KCNK1: variants seen among roughly 807,000 people sequenced by gnomAD.
KCNK1 encodes the protein potassium channel subfamily K member 1.
Under a neutral mutation model 22.2 loss-of-function variants are expected in KCNK1, and 10 were observed. The ratio of observed to expected loss-of-function variants is 0.45; its 90% CI spans 0.28 to 0.76. The LOEUF is 0.76. Among genes scored for constraint, KCNK1 ranks in the 30% least tolerant of loss-of-function variants. The probability of loss-of-function intolerance (pLI) is 0.14; values close to 1 mark genes in which losing one functional copy is unlikely to be tolerated. For missense variants in KCNK1, 378 were observed against 421.0 expected (o/e 0.90, Z 0.89); for synonymous variants, 200 against 186.4 (o/e 1.07, Z -0.60).
chr1:233,614,459 C>G lies in KCNK1; in HGVS notation c.288C>G (p.Ala96=). 6.2e-7 allele frequency: 1 copy of G among 1,613,324 alleles called. No individual in the cohort carries two copies. The highest frequency in any genetic ancestry group is 1.7e-4 in the Middle Eastern group (1 of 6,058). The part of the protein sequence containing the change: ...SNYGVSVLSN[A]SGNWNWDFTS... Reference sequence around the variant, plus strand: ...ACGGCGTGTCGGTGCTCAGCAACGCCTCGGGCAACTGGAACTGGGACTTCA... The same window carrying G: ...ACGGCGTGTCGGTGCTCAGCAACGCGTCGGGCAACTGGAACTGGGACTTCA... Residue 96 remains alanine (A), a synonymous_variant, in exon 1 of 3, where the codon GCC becomes GCG. Coordinates refer to ENST00000366621, the MANE Select transcript of KCNK1 (RefSeq NM_002245.4).
chr1:233,614,579 A>G, intron 1 of KCNK1, 53 bp downstream of exon 1: 10 of 1,411,440 alleles, frequency 7.1e-6, no homozygotes, highest in Non-Finnish European at 9.6e-6. Flanking sequence ...CCCACAACCC[A>G]CACACCCCGG....
At chr1:233,646,053 GA>G (rs1388902919) in intron 1 of KCNK1, among the ~76,000 whole-genome samples, 5 of 152,210 alleles carry the variant, frequency 3.3e-5, no homozygotes, top group Non-Finnish European at 5.9e-5. Context: ...TGATGGTGGG[GA>G]TGGAGGTTGC....
At chr1:233,614,750 G>A (rs1217063724) in intron 1 of KCNK1, among the ~76,000 whole-genome samples, 1 of 152,148 alleles carries the variant, frequency 6.6e-6, no homozygotes, top group Non-Finnish European at 1.5e-5. Flanking sequence ...GGCAAGCCCT[G>A]CGGAGCCGGA....
chr1:233,669,397 T>A (rs1380931585), intron 2 of KCNK1, among the ~76,000 whole-genome samples: 3 of 152,214 alleles, frequency 2.0e-5, no homozygotes, highest in Admixed American at 1.3e-4. Flanking sequence ...TAAAAAGCAA[T>A]CTACATAGAA....
chr1:233,664,013 G>C (rs1030982085), intron 1 of KCNK1, among the ~76,000 whole-genome samples: 3 of 152,040 alleles, frequency 2.0e-5, no homozygotes, highest in Non-Finnish European at 4.4e-5. Flanking sequence ...TGTATTTTTA[G>C]TAGAGATGGG....
At chr1:233,664,975 A>C (rs1658464617) in intron 1 of KCNK1, among the ~76,000 whole-genome samples, 1 of 152,218 alleles carries the variant, frequency 6.6e-6, no homozygotes, top group African/African-American at 2.4e-5. Context: ...TGAAGTGCTC[A>C]TGAGATTTTA....
chr1:233,625,013 T>G (rs1240011430), intron 1 of KCNK1, among the ~76,000 whole-genome samples: 1 of 152,154 alleles, frequency 6.6e-6, no homozygotes, highest in African/African-American at 2.4e-5. Flanking sequence ...GAAAATCACC[T>G]GATAAAAGGC....
chr1:233,637,113 G>A lies in KCNK1; in HGVS notation c.355+22587G>A, dbSNP rs527271443. Among the ~76,000 whole-genome samples the A allele has an allele frequency of 8.6e-5, 13 of 150,426 alleles. No homozygotes were observed. In the South Asian group the frequency reaches 1.3e-3, roughly 15 times the overall value. ...TGGGAGGCTGAGGCAGGAGAATGGCGTGAACCCAGGAGGCGGAGGTTGTAG... is the reference window on the plus strand; with the variant it reads ...TGGGAGGCTGAGGCAGGAGAATGGCATGAACCCAGGAGGCGGAGGTTGTAG... On this transcript the variant is annotated intron_variant, in intron 1 of 2. Transcript: ENST00000366621.
intron 1 of KCNK1, among the ~76,000 whole-genome samples, chr1:233,644,688 T>C (rs7526440): frequency 0.72 from 109,713 of 151,820 alleles, 40,001 homozygotes; most frequent in Admixed American, 0.8. Flanking sequence ...GAACAGTGAG[T>C]GCAAAGGCCC....
At position 233,642,966 on chromosome 1, in the gene KCNK1, G is replaced by C. The variant is rs142223046; in HGVS notation, c.356-23629G>C. On this transcript the variant is annotated intron_variant, in intron 1 of 2. Coordinates refer to ENST00000366621, the MANE Select transcript of KCNK1 (RefSeq NM_002245.4). ...TTTTTTTTTTTTTGCATTTTTAGTA[G>C]AGATGGGGTTTCACCGTGGTGGCCA... Among the ~76,000 whole-genome samples the C allele has an allele frequency of 2.3e-3, 337 of 145,364 alleles. 1 individual carries two copies. Among genetic ancestry groups the C allele is most frequent in the Non-Finnish European group, 3.6e-3 (244 of 66,938 alleles).
chr1:233,653,299 A>T (rs1445180508), intron 1 of KCNK1, among the ~76,000 whole-genome samples: 1 of 152,126 alleles, frequency 6.6e-6, no homozygotes, highest in Admixed American at 6.5e-5. Flanking sequence ...CCACTTTTGA[A>T]ACCTGAACAA....
At chr1:233,628,433 C>T (rs189931682) in intron 1 of KCNK1, among the ~76,000 whole-genome samples, 15 of 152,226 alleles carry the variant, frequency 9.9e-5, no homozygotes, top group Admixed American at 9.8e-4. Context: ...TGCACACGTA[C>T]CCCCGAACCT....
intron 1 of KCNK1, among the ~76,000 whole-genome samples, chr1:233,627,118 C>G (rs1657702447): frequency 6.6e-6 from 1 of 152,132 alleles, no homozygotes; most frequent in Admixed American, 6.5e-5. Context: ...TCATGTGACT[C>G]TCAGAAAAAC....
In KCNK1 at chr1:233,642,549, T is replaced by C. The variant is rs573204496; in HGVS notation, c.356-24046T>C. ...GTTCTGAGACCACGTCCTGGTTCTC[T>C]GATGCAGGCGCAGGCAAGCATTGAG... is the stretch of plus-strand genomic sequence containing the variant. On this transcript the variant is annotated intron_variant, in intron 1 of 2. Coordinates refer to ENST00000366621, the MANE Select transcript of KCNK1 (RefSeq NM_002245.4). Among the ~76,000 whole-genome samples the C allele has an allele frequency of 1.2e-4, 19 of 152,234 alleles. No individual in the cohort carries two copies. The South Asian group carries it at 3.9e-3, about 32-fold the overall frequency.
chr1:233,615,820 A>G lies in KCNK1; in HGVS notation c.355+1294A>G, dbSNP rs181234002. On this transcript the variant is annotated intron_variant, in intron 1 of 2. Coordinates refer to ENST00000366621, the MANE Select transcript of KCNK1 (RefSeq NM_002245.4). ...CTTGGTAATTACTTGGTAATGAGTA[A>G]TAATACACTATTCATGTAGATCACA... is the stretch of plus-strand genomic sequence containing the variant. Among the ~76,000 whole-genome samples the G allele has an allele frequency of 1.3e-3, 191 of 152,278 alleles. 1 individual carries two copies. The highest frequency in any genetic ancestry group is 3.9e-3 in the African/African-American group (161 of 41,552).
At chr1:233,616,636 G>T (rs2102879203) in intron 1 of KCNK1, among the ~76,000 whole-genome samples, 1 of 152,272 alleles carries the variant, frequency 6.6e-6, no homozygotes, top group African/African-American at 2.4e-5. Flanking sequence ...GCACATCAAT[G>T]AATTCTTGTT....
At chr1:233,623,199 A>G (rs150886336) in intron 1 of KCNK1, among the ~76,000 whole-genome samples, 1 of 152,258 alleles carries the variant, frequency 6.6e-6, no homozygotes, top group African/African-American at 2.4e-5. Context: ...AGATAATGAA[A>G]ACAAATGGAA....
At chr1:233,619,933 G>A (rs868328183) in intron 1 of KCNK1, among the ~76,000 whole-genome samples, 2 of 132,284 alleles carry the variant, frequency 1.5e-5, no homozygotes, top group Admixed American at 1.5e-4. Context: ...GCGGGGGGGC[G>A]GGGGGGCAGG....
At chr1:233,660,198 C>T (rs187218226) in intron 1 of KCNK1, among the ~76,000 whole-genome samples, 1 of 152,110 alleles carries the variant, frequency 6.6e-6, no homozygotes, top group East Asian at 1.9e-4. Context: ...CTACTTTTAC[C>T]TGATATTTAC....
Sources: allele counts gnomAD v4.1 joint callset (sites outside exome capture counted in the v4.1 genomes callset), GRCh38; gene constraint gnomAD v4.1.1; transcripts MANE v1.5; gene names NCBI Gene and HGNC (gene_info 2026-07-23, HGNC 2026-07-21).